DNMT3A: variants seen among roughly 807,000 people sequenced by gnomAD.
DNMT3A encodes the protein DNA methyltransferase 3 alpha, also known as DNA (cytosine-5)-methyltransferase 3A.
Under a neutral mutation model 117.6 loss-of-function variants are expected in DNMT3A, and 267 were observed. That is an observed-to-expected ratio of 2.27 (90% CI 2.05 to 2.51). The LOEUF (loss-of-function observed/expected upper bound fraction) is 2.51. Among genes scored for constraint, DNMT3A ranks in the 30% most tolerant of loss-of-function variants. The pLI is 0.00. For missense variants in DNMT3A, 1,029 were observed against 1,260.2 expected (o/e 0.82, Z 2.78); for synonymous variants, 432 against 474.8 (o/e 0.91, Z 1.17).
At position 25,294,825 on chromosome 2, in the gene DNMT3A, G is replaced by T. The variant is rs975481399; in HGVS notation, c.177+5314C>A. On this transcript the variant is annotated intron_variant, in intron 3 of 22. Coordinates refer to ENST00000321117, the MANE Select transcript of DNMT3A (RefSeq NM_022552.5). This position sits in a 1 kb window ranked among gnomAD's most constrained non-coding sequence, Gnocchi z 4.7. ...CTGGCTCACTCCTGCGGTGTTGGAG[G>T]GTCAGCCCTAACACCAGCTTGGGCT... Among the ~76,000 whole-genome samples, 1 of 152,192 alleles carries T rather than the reference G, an allele frequency of 6.6e-6. No homozygotes were observed. Among genetic ancestry groups the T allele is most frequent in the Non-Finnish European group, 1.5e-5 (1 of 68,032 alleles).
Position 25,239,208 on chromosome 2 carries a change from G to T in DNMT3A, c.2330C>A (p.Pro777His), listed in dbSNP as rs752626029. ...CACTTCTTTGGCATCAATCATCACA[G>T]GGTTGGACTACAAAACAGGAGACGG... ...RDISRFLESN[P>H]VMIDAKEVSA... is the part of the protein sequence containing the mutation. The change falls in exon 20 of 23, where the codon CCT (proline) becomes CAT (histidine). Residue 777 changes from proline to histidine, a missense_variant. Physicochemically the swap from Pro to His is moderately conservative, Grantham distance 77. Coordinates refer to ENST00000321117, the MANE Select transcript of DNMT3A (RefSeq NM_022552.5). The T allele has an allele frequency of 1.2e-6, 2 of 1,613,808 alleles. No homozygotes were observed. The highest frequency in any genetic ancestry group is 1.7e-6 in the Non-Finnish European group (2 of 1,179,810).
chr2:25,288,767 T>G (rs2032517301), intron 3 of DNMT3A, among the ~76,000 whole-genome samples: 1 of 152,224 alleles, frequency 6.6e-6, no homozygotes, highest in Admixed American at 6.5e-5. Context: ...AAACGGAAAC[T>G]GTCTCCATTC....
At chr2:25,330,895 T>C (rs958874227) in intron 1 of DNMT3A, among the ~76,000 whole-genome samples, 1 of 152,168 alleles carries the variant, frequency 6.6e-6, no homozygotes, top group African/African-American at 2.4e-5. Context: ...TTGCAGGGAA[T>C]AATTGGGAAC....
chr2:25,295,195 T>A (rs1333449273), intron 3 of DNMT3A, among the ~76,000 whole-genome samples: 1 of 151,852 alleles, frequency 6.6e-6, no homozygotes, highest in Admixed American at 6.5e-5. Flanking sequence ...CCCTGCAACA[T>A]CCTTAGAGGC....
intron 14 of DNMT3A, 42 bp downstream of exon 14, chr2:25,244,498 G>C (rs1269070694): frequency 1.2e-6 from 2 of 1,606,970 alleles, no homozygotes; most frequent in South Asian, 1.1e-5. Flanking sequence ...CGGGAGCCTG[G>C]GGCCCAGCTA....
intron 1 of DNMT3A, among the ~76,000 whole-genome samples, chr2:25,328,882 T>C (rs1280857545): frequency 2.6e-5 from 4 of 152,132 alleles, no homozygotes; most frequent in Non-Finnish European, 4.4e-5. Context: ...AGGCTATCAG[T>C]GAACCACAGG....
At chr2:25,321,624 G>A (rs1488779503) in intron 1 of DNMT3A, among the ~76,000 whole-genome samples, 1 of 152,220 alleles carries the variant, frequency 6.6e-6, no homozygotes, top group Non-Finnish European at 1.5e-5. Context: ...TTTGAGGCTG[G>A]ACACAATGGC....
At chr2:25,251,160 G>C (rs1283081667) in intron 6 of DNMT3A, among the ~76,000 whole-genome samples, 5 of 143,354 alleles carry the variant, frequency 3.5e-5, no homozygotes, top group Non-Finnish European at 7.7e-5. Flanking sequence ...AAGCGGGGGG[G>C]GGGGTGGGTG....
At chr2:25,336,496 C>A (rs1248750017) in intron 1 of DNMT3A, among the ~76,000 whole-genome samples, 1 of 152,096 alleles carries the variant, frequency 6.6e-6, no homozygotes, top group Non-Finnish European at 1.5e-5. Context: ...TCGTCACAAC[C>A]CCCTGGGGTC....
chr2:25,235,198 T>TCC (rs1181123608), intron 22 of DNMT3A, among the ~76,000 whole-genome samples: 1 of 150,208 alleles, frequency 6.7e-6, no homozygotes, highest in African/African-American at 2.4e-5. Flanking sequence ...TTTTTTTTTT[T>TCC]CCCTTTGAGA....
chr2:25,275,827 G>A (rs780948326), intron 4 of DNMT3A, among the ~76,000 whole-genome samples: 1 of 152,190 alleles, frequency 6.6e-6, no homozygotes, highest in Non-Finnish European at 1.5e-5. Flanking sequence ...TTTCTGGCCT[G>A]TCAACTCTGT....
rs959353560 is a variant in DNMT3A at position 25,237,147 on chromosome 2, T to C, written c.2409-142A>G. 23 of 727,650 alleles carry C rather than the reference T, an allele frequency of 3.2e-5. No homozygotes were observed. Among genetic ancestry groups the C allele is most frequent in the Non-Finnish European group, 4.7e-5 (21 of 443,588 alleles). The allele number at this position is 727,650 out of a possible 1,614,324, so 45.1% of individuals were successfully genotyped here. On this transcript the variant is annotated intron_variant, in intron 20 of 22. Transcript: ENST00000321117. The surrounding 1 kb of genome is among the most constrained non-coding windows in gnomAD (Gnocchi z 5.4). ...TTCCCCAAATCACGCACACACGTCA[T>C]AACTCTCTTCAAACTCCCCGCAAAC... is the stretch of plus-strand genomic sequence containing the variant.
intron 1 of DNMT3A, among the ~76,000 whole-genome samples, chr2:25,315,496 C>G (rs1288417598): frequency 6.6e-6 from 1 of 152,204 alleles, no homozygotes; most frequent in East Asian, 1.9e-4. Flanking sequence ...CCCCTAGGCA[C>G]AGCGCAGTGC....
rs901035473 is a variant in DNMT3A, at chr2:25,305,874, C to T, written c.73-5631G>A. ...ACCTAGAGACAGCCAGCCTGACATA[C>T]GTGTATTCCCTTCAGTACTTAAACC... On this transcript the variant is annotated intron_variant, in intron 2 of 22. Transcript: ENST00000321117. This position sits in a 1 kb window ranked among gnomAD's most constrained non-coding sequence, Gnocchi z 4.1. 5.3e-5 allele frequency among the ~76,000 whole-genome samples: 8 copies of T among 152,198 alleles called. No homozygotes were observed. The highest frequency in any genetic ancestry group is 4.1e-4 in the South Asian group (2 of 4,832).
rs965755509 is a variant in DNMT3A, at chr2:25,296,314, G to A, written c.177+3825C>T. ...ACCGGGCTGTGGTGCTGGGGCAGGC[G>A]GAGAGAAGGCAGGCTGTGGAACTGT... On this transcript the variant is annotated intron_variant, in intron 3 of 22. Coordinates refer to ENST00000321117, the MANE Select transcript of DNMT3A (RefSeq NM_022552.5). The surrounding 1 kb of genome is among the most constrained non-coding windows in gnomAD (Gnocchi z 4.2). Among the ~76,000 whole-genome samples the A allele has an allele frequency of 3.9e-5, 6 of 152,172 alleles. No individual in the cohort carries two copies. Among genetic ancestry groups the A allele is most frequent in the Non-Finnish European group, 7.4e-5 (5 of 68,018 alleles).
chr2:25,244,496 T>A, intron 14 of DNMT3A, 44 bp downstream of exon 14: 1 of 1,607,268 alleles, frequency 6.2e-7, no homozygotes, highest in East Asian at 2.2e-5. Flanking sequence ...GGCGGGAGCC[T>A]GGGGCCCAGC....
At chr2:25,240,785 G>A (rs1673936436) in intron 17 of DNMT3A, 55 bp from the exon 18 acceptor site, 1 of 1,546,402 alleles carries the variant, frequency 6.5e-7, no homozygotes, top group South Asian at 1.1e-5. Flanking sequence ...GAGGCAGACA[G>A]GAAGAAAGAG....
At chr2:25,264,226 A>G (rs1319998240) in intron 6 of DNMT3A, among the ~76,000 whole-genome samples, 3 of 132,944 alleles carry the variant, frequency 2.3e-5, no homozygotes, top group Non-Finnish European at 4.6e-5. Context: ...TGCAACCTCC[A>G]CCACCCTGGC....
Position 25,234,550 on chromosome 2 carries a change from C to T in DNMT3A, c.2598-130G>A, listed in dbSNP as rs1233614111. On this transcript the variant is annotated intron_variant, in intron 22 of 22. Coordinates refer to ENST00000321117, the MANE Select transcript of DNMT3A (RefSeq NM_022552.5). The surrounding 1 kb of genome is among the most constrained non-coding windows in gnomAD (Gnocchi z 4.5). ...AAGTGCAGGGACAGGGGCACTCACACCCACCAACTCCTCTGACGCCTGCTT... is the reference window on the plus strand; with the variant it reads ...AAGTGCAGGGACAGGGGCACTCACATCCACCAACTCCTCTGACGCCTGCTT... 8 of 1,024,654 alleles carry T rather than the reference C, an allele frequency of 7.8e-6. No individual in the cohort carries two copies. The East Asian group carries it at 1.1e-4, about 14-fold the overall frequency. 63.5% of individuals were successfully genotyped at this position (1,024,654 alleles called of 1,614,324 possible).
Sources: gnomAD v4.1 joint callset for allele counts (sites outside exome capture counted in the v4.1 genomes callset) on GRCh38, gnomAD v4.1.1 for gene constraint, Gnocchi (gnomAD v3.1) non-coding constraint, MANE v1.5 for transcripts, NCBI Gene and HGNC (gene_info 2026-07-23, HGNC 2026-07-21) for gene names.